Variants in PLXND1 observed in about 807,000 individuals in gnomAD.
PLXND1 encodes plexin D1.
In PLXND1, 54 loss-of-function variants were observed where a neutral mutation model predicts 197.7. That is an observed-to-expected ratio of 0.27 (90% confidence interval 0.22 to 0.34). The LOEUF is 0.34. Among genes scored for constraint, PLXND1 ranks in the 10% least tolerant of loss-of-function variants. The pLI is 1.00. For synonymous variants in PLXND1, 1,180 were observed against 1,161.2 expected, an observed-to-expected ratio of 1.02 and a Z score of -0.33; for missense variants, 2,127 against 2,699.2, an observed-to-expected ratio of 0.79 and a Z score of 4.70.
chr3:129,589,829 G>T (rs2085512455), intron 1 of PLXND1, among the ~76,000 whole-genome samples: 1 of 150,768 alleles, frequency 6.6e-6, no homozygotes, highest in African/African-American at 2.4e-5. Context: ...AGGCCGGCCA[G>T]GGTGAGAGCT....
Position 129,606,564 on chromosome 3 carries a change from G to C in PLXND1, c.76C>G (p.Pro26Ala), listed in dbSNP as rs1420799602. ...AAASPPPFQT[P>A]PRCPVPLLLL... ...AGCAGCGGCACCGGGCACCGCGGCGGCGTCTGGAACGGCGGGGGGCTGGCG... is the reference window on the plus strand; with the variant it reads ...AGCAGCGGCACCGGGCACCGCGGCGCCGTCTGGAACGGCGGGGGGCTGGCG... The change falls in exon 1 of 36, where the codon CCG (proline) becomes GCG (alanine). Residue 26 changes from proline (P) to alanine (A), a missense_variant. Physicochemically the swap from Pro to Ala is conservative, Grantham distance 27. Coordinates refer to ENST00000324093, the MANE Select transcript of PLXND1 (RefSeq NM_015103.3). The C allele has an allele frequency of 2.4e-6, 3 of 1,252,282 alleles. No individual in the cohort carries two copies. The highest frequency in any genetic ancestry group is 3.1e-5 in the African/African-American group (2 of 64,192). 77.6% of individuals were successfully genotyped at this position (1,252,282 alleles called of 1,614,324 possible).
At position 129,561,896 on chromosome 3, in the gene PLXND1, G is replaced by A. The variant is rs778300773; in HGVS notation, c.4833C>T (p.Phe1611=). 2.5e-5 allele frequency: 40 copies of A among 1,612,204 alleles called. No homozygotes were observed. The Admixed American group carries it at 3.5e-4, about 14-fold the overall frequency. Residue 1611 remains phenylalanine, a synonymous_variant, in exon 28 of 36, where the codon TTC becomes TTT. Coordinates refer to ENST00000324093, the MANE Select transcript of PLXND1 (RefSeq NM_015103.3). ...PRAEDVDLEW[F]ASSTQSYILR... ...GGATGTAGCTCTGTGTGCTGGAGGC[G>A]AACCACTCTGGGGGACAAGGGACAG...
chr3:129,556,189 C>G lies in PLXND1; in HGVS notation c.*123G>C. ...AGAGAGCAGCCCCTCCTCCTGCCCC[C>G]GCCCCAGCCGTCTCTGCTCAGTATT... is the stretch of plus-strand genomic sequence containing the variant. On this transcript the variant is annotated 3_prime_UTR_variant, in exon 36 of 36. Transcript: ENST00000324093. The G allele has an allele frequency of 1.3e-6, 1 of 759,930 alleles. No homozygotes were observed. The highest frequency in any genetic ancestry group is 2.3e-6 in the Non-Finnish European group (1 of 438,674). The allele number at this position is 759,930 out of a possible 1,614,324, so 47.1% of individuals were successfully genotyped here.
At chr3:129,589,704 G>T (rs1191374529) in intron 1 of PLXND1, among the ~76,000 whole-genome samples, 177 bp from the exon 2 acceptor site, 1 of 152,186 alleles carries the variant, frequency 6.6e-6, no homozygotes, top group Non-Finnish European at 1.5e-5. Context: ...CCAAGCCCAG[G>T]CCTGCCCTGA....
intron 1 of PLXND1, among the ~76,000 whole-genome samples, chr3:129,595,964 A>AC (rs999267630): frequency 2.4e-5 from 3 of 123,268 alleles, no homozygotes; most frequent in Admixed American, 8.7e-5. Context: ...CTGCGTACCC[A>AC]TTTTACAGAT....
At chr3:129,561,466 T>G (rs1448529983) in intron 29 of PLXND1, among the ~76,000 whole-genome samples, 180 bp downstream of exon 29, 1 of 152,150 alleles carries the variant, frequency 6.6e-6, no homozygotes, top group African/African-American at 2.4e-5. Flanking sequence ...GGAGGCCTGG[T>G]GTGGGCCCTG....
intron 1 of PLXND1, among the ~76,000 whole-genome samples, chr3:129,605,079 G>A (rs1457367936): frequency 6.6e-6 from 1 of 152,186 alleles, no homozygotes; most frequent in Non-Finnish European, 1.5e-5. Context: ...AGTACGCCTA[G>A]GTATGCGCGC....
chr3:129,576,028 G>A (rs540356438), intron 9 of PLXND1, among the ~76,000 whole-genome samples, 173 bp from the exon 10 acceptor site: 20 of 152,312 alleles, frequency 1.3e-4, no homozygotes, highest in South Asian at 1.2e-3. Flanking sequence ...TGGCCATCAC[G>A]TCCAATGTTT....
At chr3:129,595,975 G>A (rs186423655) in intron 1 of PLXND1, among the ~76,000 whole-genome samples, 107 of 148,450 alleles carry the variant, frequency 7.2e-4, no homozygotes, top group Middle Eastern at 3.5e-3. Flanking sequence ...TTTTACAGAT[G>A]AGAAAGCTGA....
chr3:129,573,503 G>T, intron 13 of PLXND1, 91 bp downstream of exon 13: 2 of 1,281,870 alleles, frequency 1.6e-6, no homozygotes, highest in Non-Finnish European at 2.2e-6. Context: ...GCAGCAGAGT[G>T]AGGACAGAGG....
In PLXND1 at chr3:129,558,878, C is replaced by A. The variant is rs141486309; in HGVS notation, c.5298-303G>T. 1.1e-3 allele frequency among the ~76,000 whole-genome samples: 166 copies of A among 152,266 alleles called. No homozygotes were observed. The highest frequency in any genetic ancestry group is 3.8e-3 in the African/African-American group (158 of 41,538). On this transcript the variant is annotated intron_variant, in intron 32 of 35. Coordinates refer to ENST00000324093, the MANE Select transcript of PLXND1 (RefSeq NM_015103.3). This position sits in a 1 kb window ranked among gnomAD's most constrained non-coding sequence, Gnocchi z 4.1. ...TTAGAACCAGGTGCCGGCCCCCGGG[C>A]ACCCCTGGCTCCTCCCTGAACCCTT...
At chr3:129,585,272 AGAGCC>A (rs1438987813) in intron 5 of PLXND1, among the ~76,000 whole-genome samples, 5 of 152,226 alleles carry the variant, frequency 3.3e-5, no homozygotes, top group African/African-American at 1.2e-4. Context: ...CCGGGCTGTC[AGAGCC>A]CCCCAGGGTG....
At chr3:129,570,351 G>C (rs749251331) in intron 19 of PLXND1, among the ~76,000 whole-genome samples, 1 of 152,188 alleles carries the variant, frequency 6.6e-6, no homozygotes, top group Non-Finnish European at 1.5e-5. Context: ...AGGTGCAGGT[G>C]AAAGAAAGCT....
chr3:129,564,566 C>T (rs1410335177), intron 25 of PLXND1, among the ~76,000 whole-genome samples: 1 of 152,228 alleles, frequency 6.6e-6, no homozygotes, highest in East Asian at 1.9e-4. Context: ...CACAATCCTC[C>T]AGGCAGCCCT....
chr3:129,586,548 C>A, intron 3 of PLXND1, 40 bp downstream of exon 3: 1 of 1,555,650 alleles, frequency 6.4e-7, no homozygotes, highest in South Asian at 1.2e-5. Flanking sequence ...GAGGGCTCGG[C>A]TGGTGCTGGG....
At chr3:129,565,261 T>C in intron 25 of PLXND1, 79 bp downstream of exon 25, 2 of 1,252,028 alleles carry the variant, frequency 1.6e-6, no homozygotes, top group Non-Finnish European at 2.3e-6. Context: ...AGGGAAGGCC[T>C]GGGAGGCCGT....
chr3:129,583,618 C>A lies in PLXND1; in HGVS notation c.2190G>T (p.Gln730His). ...AQWPCFWCSQ[Q>H]HSCVSNQSRC... ...GAGACTGGTTGGAAACACAGGAGTG[C>A]TGCTGGCTGCACCAGAAACAGGGCC... The change falls in exon 8 of 36, where the codon CAG becomes CAT. Residue 730 changes from glutamine (Q) to histidine (H), a missense_variant. By Grantham distance (24) the Gln-to-His change is conservative. Coordinates refer to ENST00000324093, the MANE Select transcript of PLXND1 (RefSeq NM_015103.3). 6.2e-7 allele frequency: 1 copy of A among 1,613,876 alleles called. No individual in the cohort carries two copies. Among genetic ancestry groups the A allele is most frequent in the Non-Finnish European group, 8.5e-7 (1 of 1,179,984 alleles).
intron 9 of PLXND1, among the ~76,000 whole-genome samples, chr3:129,578,014 G>A (rs1290054407): frequency 1.3e-5 from 2 of 152,198 alleles, no homozygotes; most frequent in Admixed American, 6.5e-5. Context: ...ATAGGGCAGC[G>A]TCCACCCTCC....
At chr3:129,572,466 G>A (rs1371011695) in intron 15 of PLXND1, 143 bp downstream of exon 15, 2 of 631,424 alleles carry the variant, frequency 3.2e-6, no homozygotes, top group South Asian at 3.1e-5. Context: ...GAGGCTCAGA[G>A]AGGAGAAGGG....
Sources: allele counts gnomAD v4.1 joint callset (sites outside exome capture counted in the v4.1 genomes callset), GRCh38; gene constraint gnomAD v4.1.1; non-coding constraint Gnocchi (gnomAD v3.1); transcripts MANE v1.5; gene names NCBI Gene and HGNC (gene_info 2026-07-23, HGNC 2026-07-21).